Variants in CSMD1 observed in about 807,000 individuals in gnomAD.
The protein encoded by CSMD1 is CUB and Sushi multiple domains 1.
Under a neutral mutation model 417.5 loss-of-function variants are expected in CSMD1, and 213 were observed. That is an observed-to-expected ratio of 0.51 (90% CI 0.46 to 0.57). The LOEUF is 0.57. CSMD1 is among the 20% of genes least tolerant of loss of function. The probability of loss-of-function intolerance (pLI) is 0.00; values close to 1 mark genes in which losing one functional copy is unlikely to be tolerated. For synonymous variants in CSMD1, 2,862 were observed against 1,736.8 expected (o/e 1.65, Z -16.11); for missense variants, 6,923 against 4,529.7 (o/e 1.53, Z -15.17).
At chr8:3,000,481 A>G (rs920393417) in intron 52 of CSMD1, among the ~76,000 whole-genome samples, 1 of 152,162 alleles carries the variant, frequency 6.6e-6, no homozygotes, top group Non-Finnish European at 1.5e-5. Context: ...AATTCTTGGA[A>G]TTAACATGAA....
At chr8:3,271,085 C>T (rs1391605400) in intron 26 of CSMD1, among the ~76,000 whole-genome samples, 49 of 124,386 alleles carry the variant, frequency 3.9e-4, no homozygotes, top group Middle Eastern at 0.01. Context: ...CCCCTCCCCC[C>T]ACCCCACAAC....
At chr8:3,889,147 G>C (rs116312184) in intron 5 of CSMD1, among the ~76,000 whole-genome samples, 2 of 151,810 alleles carry the variant, frequency 1.3e-5, no homozygotes, top group African/African-American at 2.4e-5. Flanking sequence ...TGAAAAATCA[G>C]TGTTTAGAAA....
chr8:3,148,970 G>A (rs1345841794), intron 40 of CSMD1, among the ~76,000 whole-genome samples: 1 of 152,146 alleles, frequency 6.6e-6, no homozygotes, highest in Non-Finnish European at 1.5e-5. Context: ...TGTTTGATTT[G>A]AGATAAAGTT....
At chr8:3,694,587 T>C (rs1488671645) in intron 7 of CSMD1, among the ~76,000 whole-genome samples, 13 of 151,744 alleles carry the variant, frequency 8.6e-5, no homozygotes, top group Non-Finnish European at 1.9e-4. Context: ...CTCCCCACCC[T>C]GCAAAACTCA....
intron 38 of CSMD1, 80 bp from the exon 39 acceptor site, chr8:3,158,046 T>A (rs1396944136): frequency 8.8e-7 from 1 of 1,132,390 alleles, no homozygotes; most frequent in Non-Finnish European, 1.3e-6. Context: ...AATATCTGCA[T>A]TTTTTCCTTT....
At chr8:3,930,761 C>T (rs986010937) in intron 5 of CSMD1, among the ~76,000 whole-genome samples, 5 of 150,352 alleles carry the variant, frequency 3.3e-5, no homozygotes, top group African/African-American at 4.9e-5. Context: ...TACTTCTTTA[C>T]GGCACCAGGG....
intron 3 of CSMD1, among the ~76,000 whole-genome samples, chr8:4,181,522 C>G (rs1480178436): frequency 1.3e-5 from 2 of 152,006 alleles, no homozygotes; most frequent in African/African-American, 4.8e-5. Flanking sequence ...GAAAACCTTA[C>G]AATATTTTAA....
chr8:3,032,671 C>T (rs951731926), intron 50 of CSMD1, among the ~76,000 whole-genome samples: 1 of 151,970 alleles, frequency 6.6e-6, no homozygotes, highest in African/African-American at 2.4e-5. Flanking sequence ...AGCCTGAAAA[C>T]AGTGTCTTCC....
chr8:4,027,856 T>C (rs10107372), intron 4 of CSMD1, among the ~76,000 whole-genome samples: 2 of 151,980 alleles, frequency 1.3e-5, no homozygotes, highest in African/African-American at 4.8e-5. Context: ...CTATTAAAAA[T>C]TAAATAAATA....
intron 3 of CSMD1, among the ~76,000 whole-genome samples, chr8:4,412,776 C>A (rs992706275): frequency 2.6e-5 from 4 of 152,126 alleles, no homozygotes; most frequent in Non-Finnish European, 5.9e-5. Context: ...GATACCTATA[C>A]TGATATGACA....
Position 3,347,975 on chromosome 8 carries a change from G to T in CSMD1, c.3474+17C>A. 1.9e-6 allele frequency: 3 copies of T among 1,539,632 alleles called. No individual in the cohort carries two copies. Among genetic ancestry groups the T allele is most frequent in the Non-Finnish European group, 2.6e-6 (3 of 1,145,338 alleles). ...AAGAAAACTTGGAGTCATCATGTTG[G>T]AGAAGATTCTTTTTACCTTTAGAGT... On this transcript the variant is annotated intron_variant, in intron 22 of 69. Transcript: ENST00000635120.
chr8:3,294,716 A>G (rs2406458), intron 25 of CSMD1, among the ~76,000 whole-genome samples: 145,207 of 152,210 alleles, frequency 0.95, 69,323 homozygotes, highest in Middle Eastern at 0.99. Context: ...TCCAGGTGCC[A>G]TCTGTCACCC....
intron 2 of CSMD1, among the ~76,000 whole-genome samples, chr8:4,578,392 G>C (rs1036280216): frequency 2.1e-5 from 3 of 141,090 alleles, no homozygotes; most frequent in African/African-American, 8.2e-5. Flanking sequence ...TGTTAGCCAG[G>C]ATGTTCTCGA....
At chr8:4,301,282 C>T (rs1020699500) in intron 3 of CSMD1, among the ~76,000 whole-genome samples, 1 of 152,174 alleles carries the variant, frequency 6.6e-6, no homozygotes, top group African/African-American at 2.4e-5. Context: ...AGTCAACAAG[C>T]AAAATGCCTT....
At chr8:4,476,015 G>A (rs1157617852) in intron 2 of CSMD1, among the ~76,000 whole-genome samples, 1 of 151,944 alleles carries the variant, frequency 6.6e-6, no homozygotes, top group African/African-American at 2.4e-5. Flanking sequence ...TAATTAATCA[G>A]CAGACAAAAG....
At chr8:3,586,689 T>C (rs1249735063) in intron 8 of CSMD1, among the ~76,000 whole-genome samples, 2 of 152,230 alleles carry the variant, frequency 1.3e-5, no homozygotes, top group South Asian at 4.2e-4. Flanking sequence ...TAAGAAAATA[T>C]GTCAGTAAAG....
At chr8:4,119,873 G>C (rs1043783999) in intron 3 of CSMD1, among the ~76,000 whole-genome samples, 1 of 152,214 alleles carries the variant, frequency 6.6e-6, no homozygotes, top group African/African-American at 2.4e-5. Flanking sequence ...GAAAGGGTTC[G>C]ACAAAGTACA....
chr8:4,364,908 C>A (rs10093239), intron 3 of CSMD1, among the ~76,000 whole-genome samples: 1,431 of 48,348 alleles, frequency 0.03, 408 homozygotes, highest in African/African-American at 0.095. Flanking sequence ...TTACTAAAAT[C>A]ATAACCAAAT....
At chr8:3,388,714 A>G (rs1489481695) in intron 17 of CSMD1, among the ~76,000 whole-genome samples, 1 of 152,168 alleles carries the variant, frequency 6.6e-6, no homozygotes, top group Admixed American at 6.5e-5. Flanking sequence ...ACACATGTCT[A>G]TTGCCCTAAA....
Sources: gnomAD v4.1 joint callset for allele counts (sites outside exome capture counted in the v4.1 genomes callset) on GRCh38, gnomAD v4.1.1 for gene constraint, MANE v1.5 for transcripts, NCBI Gene and HGNC (gene_info 2026-07-23, HGNC 2026-07-21) for gene names.